Variants in DEPDC5 observed in about 807,000 individuals in gnomAD.
The protein encoded by DEPDC5 is GATOR1 complex protein DEPDC5.
A neutral mutation model predicts 217.3 loss-of-function variants in DEPDC5; 73 were observed. The ratio of observed to expected loss-of-function variants is 0.34; its 90% CI spans 0.28 to 0.41. The LOEUF (loss-of-function observed/expected upper bound fraction) is 0.41, where lower values mean the gene tolerates loss of function less well. DEPDC5 is among the 10% of genes least tolerant of loss of function. The probability of loss-of-function intolerance (pLI) is 1.00; values close to 1 mark genes in which losing one functional copy is unlikely to be tolerated. For missense variants in DEPDC5, 1,675 were observed against 2,070.1 expected (o/e 0.81, Z 3.70); for synonymous variants, 733 against 756.7 (o/e 0.97, Z 0.51).
At chr22:31,769,490 G>A (rs2083140316) in intron 7 of DEPDC5, 1 of 152,104 alleles carries the variant, frequency 6.6e-6, no homozygotes, top group Non-Finnish European at 1.5e-5. Context: ...AACAGGTTTA[G>A]AAACATAAAA....
At chr22:31,805,568 T>C (rs2087415481) in intron 17 of DEPDC5, among the ~76,000 whole-genome samples, 1 of 151,982 alleles carries the variant, frequency 6.6e-6, no homozygotes, top group Admixed American at 6.6e-5. Context: ...TGACATGATC[T>C]TGGCTCACTG....
At chr22:31,785,306 A>G (rs2084871397) in intron 10 of DEPDC5, among the ~76,000 whole-genome samples, 1 of 152,222 alleles carries the variant, frequency 6.6e-6, no homozygotes, top group Non-Finnish European at 1.5e-5. Context: ...TAATGCATTC[A>G]GCAAAGTTTC....
intron 2 of DEPDC5, among the ~76,000 whole-genome samples, chr22:31,755,688 G>A (rs940534341): frequency 1.3e-5 from 2 of 151,768 alleles, no homozygotes; most frequent in Non-Finnish European, 2.9e-5. Context: ...GGGATTACAG[G>A]CGTGAGCCAC....
In DEPDC5 at chr22:31,875,908, C is replaced by T. The variant is rs1602636753; in HGVS notation, c.3697-249C>T. On this transcript the variant is annotated intron_variant, in intron 36 of 42. Transcript: ENST00000651528. The stretch of plus-strand genomic sequence containing the variant: ...TCAGCCTCCCAAAGTGCTGGGGTTA[C>T]AGGCGTGAGCCACTGCTCCCGGCCA... 1.1e-5 allele frequency: 4 copies of T among 376,474 alleles called. No individual in the cohort carries two copies. The East Asian group carries it at 1.3e-4, about 12-fold the overall frequency. The allele number at this position is 376,474 out of a possible 1,614,324, so 23.3% of individuals were successfully genotyped here. A position where few individuals can be genotyped will look rare whatever the true frequency, so the allele number is the denominator to read the frequency against.
rs150692843 is a variant in DEPDC5 at position 31,868,454 on chromosome 22, G to T, written c.3331-2136G>T. On this transcript the variant is annotated intron_variant, in intron 33 of 42. Coordinates refer to ENST00000651528, the MANE Select transcript of DEPDC5 (RefSeq NM_001242896.3). ...TATTTATTTATTTTTTTGAGACAGG[G>T]TCTCTCTCTGTCGCCCAGGCTGGAG... 2.1e-3 allele frequency among the ~76,000 whole-genome samples: 321 copies of T among 152,130 alleles called. 3 individuals carry two copies. Among genetic ancestry groups the T allele is most frequent in the African/African-American group, 7.6e-3 (315 of 41,522 alleles).
intron 37 of DEPDC5, among the ~76,000 whole-genome samples, chr22:31,878,196 AAAAG>A (rs2093059309): frequency 6.6e-6 from 1 of 152,120 alleles, no homozygotes; most frequent in Non-Finnish European, 1.5e-5. Context: ...AAAAAAAAAA[AAAAG>A]AATCTTACAT....
rs1187392980 is a variant in DEPDC5, at chr22:31,893,568, G to A, written c.4034-14G>A. 2 of 1,563,514 alleles carry A rather than the reference G, an allele frequency of 1.3e-6. No homozygotes were observed. Among genetic ancestry groups the A allele is most frequent in the Non-Finnish European group, 1.7e-6 (2 of 1,157,740 alleles). The stretch of plus-strand genomic sequence containing the variant: ...TTCTCACTCTCTTGGGGCCCCTCCT[G>A]TGTGCTGACATAGCTGCCACTGTCC... On this transcript the variant is annotated splice_polypyrimidine_tract_variant and intron_variant, in intron 38 of 42. Transcript: ENST00000651528.
In DEPDC5 at chr22:31,769,243, G is replaced by A. The variant is rs528691345; in HGVS notation, c.413+380G>A. ...CCACTGCCCTCCAGCCTGGACGACA[G>A]AGCAAAACTCCGTCTCAAAAAAAAA... On this transcript the variant is annotated intron_variant, in intron 7 of 42. Coordinates refer to ENST00000651528, the MANE Select transcript of DEPDC5 (RefSeq NM_001242896.3). 795 of 144,372 alleles carry A rather than the reference G, an allele frequency of 5.5e-3. 8 individuals carry two copies. The highest frequency in any genetic ancestry group is 0.019 in the African/African-American group (748 of 38,482). The allele number at this position is 144,372 out of a possible 1,614,324, so 8.9% of individuals were successfully genotyped here.
chr22:31,874,431 AGCTGTTT>A (rs749844423), intron 36 of DEPDC5, 26 bp downstream of exon 36: 2 of 1,592,586 alleles, frequency 1.3e-6, no homozygotes, highest in Non-Finnish European at 1.7e-6. Flanking sequence ...GGGCCCATAG[AGCTGTTT>A]GCTTAGGTCC....
At position 31,769,131 on chromosome 22, in the gene DEPDC5, G is replaced by T. The variant is rs574639641; in HGVS notation, c.413+268G>T. The T allele has an allele frequency of 2.7e-3, 580 of 217,944 alleles. 3 individuals are homozygous for T. Among genetic ancestry groups the T allele is most frequent in the African/African-American group, 0.012 (537 of 43,344 alleles). 13.5% of individuals were successfully genotyped at this position (217,944 alleles called of 1,614,324 possible). A position where few individuals can be genotyped will look rare whatever the true frequency, so the allele number is the denominator to read the frequency against. ...AAAAATTAGCTGGGCGTGGTGGCGG[G>T]CGCCTGTAGTCGCAGCTACTTGGGA... On this transcript the variant is annotated intron_variant, in intron 7 of 42. Coordinates refer to ENST00000651528, the MANE Select transcript of DEPDC5 (RefSeq NM_001242896.3).
chr22:31,779,583 G>A (rs2084216698), intron 8 of DEPDC5, among the ~76,000 whole-genome samples: 1 of 152,182 alleles, frequency 6.6e-6, no homozygotes, highest in Admixed American at 6.5e-5. Context: ...AGGAGAATTA[G>A]AATCCATTGA....
chr22:31,802,653 G>A, intron 14 of DEPDC5, 51 bp from the exon 15 acceptor site: 20 of 1,465,826 alleles, frequency 1.4e-5, no homozygotes, highest in Non-Finnish European at 1.7e-5. Context: ...CTGTGACAGG[G>A]TTCTGAAAAG....
At chr22:31,793,586 T>A (rs553891414) in intron 12 of DEPDC5, among the ~76,000 whole-genome samples, 2 of 152,146 alleles carry the variant, frequency 1.3e-5, no homozygotes, top group African/African-American at 2.4e-5. Context: ...TATTATTATT[T>A]TTTGAGACAC....
chr22:31,873,161 T>C (rs758454272), intron 34 of DEPDC5, 94 bp from the exon 35 acceptor site: 1 of 1,602,956 alleles, frequency 6.2e-7, no homozygotes, highest in South Asian at 1.1e-5. Flanking sequence ...TCCTGGTTTC[T>C]GGCTCCATAG....
chr22:31,810,962 A>T (rs1219682302), intron 20 of DEPDC5, among the ~76,000 whole-genome samples: 1 of 150,612 alleles, frequency 6.6e-6, no homozygotes, highest in African/African-American at 2.5e-5. Context: ...TTTAGTAGAG[A>T]TGGGGTTTTT....
chr22:31,819,348 A>G (rs1364655967), intron 22 of DEPDC5, 123 bp downstream of exon 22: 2 of 1,063,230 alleles, frequency 1.9e-6, no homozygotes, highest in African/African-American at 1.6e-5. Flanking sequence ...TGGGATAACC[A>G]TGCCCACTTT....
chr22:31,834,284 T>C (rs1279513900), intron 25 of DEPDC5: 3 of 344,620 alleles, frequency 8.7e-6, no homozygotes, highest in African/African-American at 2.0e-5. Context: ...CCTAATGATA[T>C]CTCCATGAAA....
chr22:31,798,247 T>G (rs1320231160), intron 13 of DEPDC5, among the ~76,000 whole-genome samples: 2 of 152,122 alleles, frequency 1.3e-5, no homozygotes, highest in Non-Finnish European at 2.9e-5. Flanking sequence ...AGTTCATCTT[T>G]CAGCCAGGTG....
chr22:31,759,834 C>T (rs1013833910), intron 3 of DEPDC5, among the ~76,000 whole-genome samples: 2 of 151,308 alleles, frequency 1.3e-5, no homozygotes, highest in African/African-American at 2.4e-5. Flanking sequence ...AGGTGTGGGC[C>T]ACCACACCTG....
Sources: allele counts gnomAD v4.1 joint callset (sites outside exome capture counted in the v4.1 genomes callset), GRCh38; gene constraint gnomAD v4.1.1; transcripts MANE v1.5; gene names NCBI Gene and HGNC (gene_info 2026-07-23, HGNC 2026-07-21).